IGFBPL1: variants seen among roughly 807,000 people sequenced by gnomAD.
The protein encoded by IGFBPL1 is insulin-like growth factor-binding protein-like 1.
A neutral mutation model predicts 23.9 loss-of-function variants in IGFBPL1; 20 were observed. The ratio of observed to expected loss-of-function variants is 0.84; its 90% CI spans 0.59 to 1.22. The LOEUF (loss-of-function observed/expected upper bound fraction) is 1.22. Among genes scored for constraint, IGFBPL1 ranks in the 50% most tolerant of loss-of-function variants. The pLI is 0.00. For synonymous variants in IGFBPL1, 184 were observed against 171.8 expected (o/e 1.07, Z -0.56); for missense variants, 436 against 379.3 (o/e 1.15, Z -1.24).
intron 1 of IGFBPL1, among the ~76,000 whole-genome samples, chr9:38,416,788 C>T (rs970040299): frequency 2.0e-5 from 3 of 151,836 alleles, no homozygotes; most frequent in Non-Finnish European, 2.9e-5. Flanking sequence ...AATCCTCCTG[C>T]CTCAGCCTCT....
intron 2 of IGFBPL1, 148 bp downstream of exon 2, chr9:38,413,946 C>A: frequency 1.6e-6 from 1 of 614,082 alleles, no homozygotes; most frequent in Non-Finnish European, 2.9e-6. Flanking sequence ...TTTTCTTCAT[C>A]CTCTGGCCCA....
chr9:38,423,720 G>A (rs1007221559), intron 1 of IGFBPL1, among the ~76,000 whole-genome samples: 2 of 152,168 alleles, frequency 1.3e-5, no homozygotes, highest in African/African-American at 4.8e-5. Context: ...TGCATCAGCA[G>A]GTACTTAAGT....
chr9:38,413,865 G>T (rs1226682201), intron 2 of IGFBPL1, among the ~76,000 whole-genome samples: 4 of 152,148 alleles, frequency 2.6e-5, no homozygotes, highest in Non-Finnish European at 5.9e-5. Flanking sequence ...AGGAAGGGTT[G>T]CAATGTTCCC....
Position 38,424,152 on chromosome 9 carries a change from G to T in IGFBPL1, c.273C>A (p.Cys91Ter). ...GCGCTGCCCCAGCGGCCTGGCTCGC[G>T]CATACCAGGCCGGGGCCACAGCGCC... Reference protein sequence around the residue: ...AGGRCGPGLVCASQAAGAAPE... With the variant: ...AGGRCGPGLV The change falls in exon 1 of 5, where the codon TGC becomes TGA. Residue 91 changes from cysteine (C) to a stop codon, truncating the protein, a stop_gained. Coordinates refer to ENST00000377694, the MANE Select transcript of IGFBPL1 (RefSeq NM_001007563.3). LOFTEE classifies it high-confidence loss of function. 1 of 1,214,474 alleles carries T rather than the reference G, an allele frequency of 8.2e-7. No homozygotes were observed. The highest frequency in any genetic ancestry group is 1.0e-6 in the Non-Finnish European group (1 of 977,054). 75.2% of individuals were successfully genotyped at this position (1,214,474 alleles called of 1,614,324 possible).
intron 4 of IGFBPL1, among the ~76,000 whole-genome samples, chr9:38,410,482 C>CAA (rs1345601056): frequency 3.7e-5 from 3 of 80,214 alleles, no homozygotes; most frequent in African/African-American, 5.3e-5. Flanking sequence ...GACTCTGTCT[C>CAA]AAAAAAAAAA....
Position 38,424,328 on chromosome 9 carries a change from C to G in IGFBPL1, c.97G>C (p.Gly33Arg). ...CACGGACCACACTTGGGGCGCCGGC[C>G]GCCCACGTCGCGGATCCCAAGGCTC... ...SPSLGIRDVG[G>R]RRPKCGPCRP... The change falls in exon 1 of 5, where the codon GGC becomes CGC. Residue 33 changes from glycine (G) to arginine (R), a missense_variant. Coordinates refer to ENST00000377694, the MANE Select transcript of IGFBPL1 (RefSeq NM_001007563.3). 1.8e-6 allele frequency: 2 copies of G among 1,089,010 alleles called. No individual in the cohort carries two copies. The highest frequency in any genetic ancestry group is 2.5e-6 in the Non-Finnish European group (2 of 789,048). The allele number at this position is 1,089,010 out of a possible 1,614,324, so 67.5% of individuals were successfully genotyped here.
intron 1 of IGFBPL1, among the ~76,000 whole-genome samples, chr9:38,419,888 C>CTT (rs532059440): frequency 2.5e-5 from 2 of 78,532 alleles, no homozygotes; most frequent in South Asian, 4.7e-4. Flanking sequence ...TCCTCCTCCT[C>CTT]CTCCTTCTTC....
chr9:38,409,450 T>C (rs550463783), intron 4 of IGFBPL1, among the ~76,000 whole-genome samples: 53 of 152,210 alleles, frequency 3.5e-4, no homozygotes, highest in African/African-American at 1.3e-3. Context: ...TTTCAACCAT[T>C]GGAAAATCCA....
chr9:38,418,976 G>A (rs559509696), intron 1 of IGFBPL1, among the ~76,000 whole-genome samples: 6 of 152,208 alleles, frequency 3.9e-5, no homozygotes, highest in South Asian at 2.1e-4. Context: ...GATGATGACC[G>A]CAGCCTCGCA....
intron 1 of IGFBPL1, 42 bp from the exon 2 acceptor site, chr9:38,414,245 G>C: frequency 7.9e-7 from 1 of 1,268,630 alleles, no homozygotes; most frequent in Non-Finnish European, 1.1e-6. Flanking sequence ...TACCCTGCAG[G>C]GTTCCAAGCA....
At position 38,409,080 on chromosome 9, in the gene IGFBPL1, T is replaced by A. The variant is rs1262461856; in HGVS notation, c.*147A>T. ...TGCCCTGCTAAAAACTACATCTGCA[T>A]ACAGATCTAGTTTGCATCTAATTTT... On this transcript the variant is annotated 3_prime_UTR_variant, in exon 5 of 5. Transcript: ENST00000377694. 6.6e-6 allele frequency: 1 copy of A among 152,196 alleles called. No individual in the cohort carries two copies. Among genetic ancestry groups the A allele is most frequent in the East Asian group, 1.9e-4 (1 of 5,202 alleles). 9.4% of individuals were successfully genotyped at this position (152,196 alleles called of 1,614,324 possible). A position where few individuals can be genotyped will look rare whatever the true frequency, so the allele number is the denominator to read the frequency against.
chr9:38,413,661 C>T (rs1014555669), intron 2 of IGFBPL1, among the ~76,000 whole-genome samples: 6 of 152,290 alleles, frequency 3.9e-5, no homozygotes, highest in Admixed American at 3.3e-4. Flanking sequence ...TGATCCTTGC[C>T]GGTCTCTCAA....
chr9:38,418,758 A>G (rs926895862), intron 1 of IGFBPL1, among the ~76,000 whole-genome samples: 5 of 152,090 alleles, frequency 3.3e-5, no homozygotes. Context: ...TGCTTGTGCC[A>G]GCAATAGCCC....
At chr9:38,419,246 A>G (rs2118319968) in intron 1 of IGFBPL1, among the ~76,000 whole-genome samples, 1 of 152,180 alleles carries the variant, frequency 6.6e-6, no homozygotes, top group Non-Finnish European at 1.5e-5. Flanking sequence ...AAAGCACATA[A>G]CCAAAGATTT....
In IGFBPL1 at chr9:38,413,300, A is replaced by G. The variant is rs375955488; in HGVS notation, c.624T>C (p.His208=). 3.6e-5 allele frequency: 58 copies of G among 1,613,972 alleles called. No homozygotes were observed. Among genetic ancestry groups the G allele is most frequent in the African/African-American group, 5.3e-5 (4 of 74,906 alleles). Residue 208 remains histidine, a synonymous_variant, in exon 3 of 5, where the codon CAT becomes CAC. Coordinates refer to ENST00000377694, the MANE Select transcript of IGFBPL1 (RefSeq NM_001007563.3). ...TQALEELPGD[H]VNIAVQVRGG... is the part of the protein sequence containing the mutation. ...CTCGCACTTGGACAGCTATATTGAC[A>G]TGGTCCCCAGGCAGCTCCTCCAGTG... is the stretch of plus-strand genomic sequence containing the variant.
chr9:38,421,283 T>TC (rs1279772668), intron 1 of IGFBPL1, among the ~76,000 whole-genome samples: 2 of 34,722 alleles, frequency 5.8e-5, no homozygotes, highest in Non-Finnish European at 1.2e-4. Flanking sequence ...AGACCCTGTC[T>TC]CAAAAAAAAA....
chr9:38,419,895 CTT>C (rs1491345764), intron 1 of IGFBPL1, among the ~76,000 whole-genome samples: 1 of 150,492 alleles, frequency 6.6e-6, no homozygotes, highest in African/African-American at 2.5e-5. Flanking sequence ...CCTCCTCCTT[CTT>C]CTTCTTCTTT....
chr9:38,414,033 TCACACACACA>T (rs3045140), intron 2 of IGFBPL1, 51 bp downstream of exon 2: 25 of 761,122 alleles, frequency 3.3e-5, no homozygotes, highest in East Asian at 2.8e-4. Flanking sequence ...TCCCTCTTTC[TCACACACACA>T]CACACACACA....
chr9:38,407,351 G>A lies in IGFBPL1; in HGVS notation c.*1876C>T, dbSNP rs1821441817. Reference sequence around the variant, plus strand: ...GAGGCACAGAAAGTGAAGGAGACTTGCTCAGGGTCACACAGCGAGCCGGGG... The same window carrying A: ...GAGGCACAGAAAGTGAAGGAGACTTACTCAGGGTCACACAGCGAGCCGGGG... On this transcript the variant is annotated 3_prime_UTR_variant, in exon 5 of 5. Coordinates refer to ENST00000377694, the MANE Select transcript of IGFBPL1 (RefSeq NM_001007563.3). 6.6e-6 allele frequency among the ~76,000 whole-genome samples: 1 copy of A among 152,206 alleles called. No individual in the cohort carries two copies. Among genetic ancestry groups the A allele is most frequent in the African/African-American group, 2.4e-5 (1 of 41,452 alleles).
Sources: gnomAD v4.1 joint callset for allele counts (sites outside exome capture counted in the v4.1 genomes callset) on GRCh38, gnomAD v4.1.1 for gene constraint, MANE v1.5 for transcripts, NCBI Gene and HGNC (gene_info 2026-07-23, HGNC 2026-07-21) for gene names.